Variants in NUAK1 observed in about 807,000 individuals in gnomAD.
NUAK1 encodes the protein NUAK family SNF1-like kinase 1.
NUAK1 carries 26 observed loss-of-function variants against 56.9 expected under a neutral mutation model. That is an observed-to-expected ratio of 0.46 (90% CI 0.33 to 0.63). NUAK1 has a LOEUF of 0.63. Ranked by LOEUF, NUAK1 falls within the 30% of genes least tolerant of loss-of-function variation. The pLI is 0.02. For missense variants in NUAK1, 727 were observed against 876.1 expected (o/e 0.83, Z 2.15); for synonymous variants, 337 against 336.0 (o/e 1.00, Z -0.03).
rs779212474 is a variant in NUAK1, at chr12:106,067,407, T to A, written c.1381A>T (p.Thr461Ser). Residue 461 changes from threonine to serine, a missense_variant, in exon 7 of 7, where the codon ACG becomes TCG. By Grantham distance (58) the Thr-to-Ser change is moderately conservative (BLOSUM62 1). Coordinates refer to ENST00000261402, the MANE Select transcript of NUAK1 (RefSeq NM_014840.3). The surrounding 1 kb of genome is among the most constrained non-coding windows in gnomAD (Gnocchi z 6.0). Reference sequence around the variant, plus strand: ...TTCAAGATGCCTTTCTTGGGCATCGTGGCCGACTGCTTGGGGCTGAGTTTT... The same window carrying A: ...TTCAAGATGCCTTTCTTGGGCATCGAGGCCGACTGCTTGGGGCTGAGTTTT... ...PGKLSPKQSA[T>S]MPKKGILKKT... The A allele has an allele frequency of 1.2e-4, 200 of 1,614,080 alleles. No individual in the cohort carries two copies. Among genetic ancestry groups the A allele is most frequent in the Non-Finnish European group, 1.7e-4 (195 of 1,180,046 alleles).
chr12:106,126,695 C>CCTT (rs2033028265), intron 1 of NUAK1, among the ~76,000 whole-genome samples: 1 of 152,152 alleles, frequency 6.6e-6, no homozygotes, highest in Admixed American at 6.5e-5. Context: ...CAAAAACAGC[C>CCTT]CTTCCCCTGG....
chr12:106,085,721 T>C (rs1056939829), intron 3 of NUAK1, among the ~76,000 whole-genome samples: 1 of 152,088 alleles, frequency 6.6e-6, no homozygotes, highest in Non-Finnish European at 1.5e-5. Context: ...TTATTATTAT[T>C]TTGGAGATGG....
intron 4 of NUAK1, among the ~76,000 whole-genome samples, chr12:106,083,419 T>C (rs1333112823): frequency 6.6e-6 from 1 of 152,232 alleles, no homozygotes; most frequent in African/African-American, 2.4e-5. Flanking sequence ...GGCAAATTAC[T>C]TAGTTTTTCT....
chr12:106,107,085 C>G (rs921769586), intron 1 of NUAK1, among the ~76,000 whole-genome samples: 1 of 152,188 alleles, frequency 6.6e-6, no homozygotes, highest in African/African-American at 2.4e-5. Flanking sequence ...CATCCTTCCT[C>G]TTGCCCAAGC....
intron 2 of NUAK1, among the ~76,000 whole-genome samples, chr12:106,096,137 T>C (rs950148091): frequency 1.3e-5 from 2 of 151,938 alleles, no homozygotes; most frequent in African/African-American, 2.4e-5. Flanking sequence ...AAAGACCCCA[T>C]AGTAAAGGGC....
intron 3 of NUAK1, 178 bp from the exon 4 acceptor site, chr12:106,084,107 C>T: frequency 1.7e-6 from 1 of 598,518 alleles, no homozygotes. Flanking sequence ...GCTCCCCCGC[C>T]AGCGACCAAC....
rs114922345 is a variant in NUAK1 at position 106,069,506 on chromosome 12, C to T, written c.832+1268G>A. On this transcript the variant is annotated intron_variant, in intron 6 of 6. Coordinates refer to ENST00000261402, the MANE Select transcript of NUAK1 (RefSeq NM_014840.3). ...TATGGAGAAGATAAGTGTCTTAGAT[C>T]AGTTTTGTTTAGGCATGAGTTACAG... 1.2e-3 allele frequency among the ~76,000 whole-genome samples: 187 copies of T among 152,224 alleles called. 1 individual carries two copies. Among genetic ancestry groups the T allele is most frequent in the African/African-American group, 4.2e-3 (176 of 41,536 alleles).
chr12:106,096,718 A>C (rs376609526), intron 2 of NUAK1, among the ~76,000 whole-genome samples: 504 of 152,336 alleles, frequency 3.3e-3, no homozygotes, highest in African/African-American at 0.012. Context: ...GGTATCATTC[A>C]CTGCTCACTG....
At position 106,067,448 on chromosome 12, in the gene NUAK1, T is replaced by C. The variant is rs1452278544; in HGVS notation, c.1340A>G (p.Glu447Gly). 4.3e-6 allele frequency: 7 copies of C among 1,614,094 alleles called. No individual in the cohort carries two copies. The highest frequency in any genetic ancestry group is 5.9e-6 in the Non-Finnish European group (7 of 1,180,056). ...RTGVLLPSSP[E>G]AEVPGKLSPK... is the part of the protein sequence containing the mutation. ...GCTGAGTTTTCCCGGCACCTCTGCC[T>C]CTGGTGAGCTTGGGAGGAGCACGCC... The change falls in exon 7 of 7, where the codon GAG (glutamate) becomes GGG (glycine). Residue 447 changes from glutamate (E) to glycine (G), a missense_variant. Glu to Gly is a moderately conservative substitution (Grantham distance 98, BLOSUM62 -2). Coordinates refer to ENST00000261402, the MANE Select transcript of NUAK1 (RefSeq NM_014840.3). The surrounding 1 kb of genome is among the most constrained non-coding windows in gnomAD (Gnocchi z 6.0).
At chr12:106,101,005 G>A (rs900708311) in intron 2 of NUAK1, among the ~76,000 whole-genome samples, 5 of 152,192 alleles carry the variant, frequency 3.3e-5, no homozygotes, top group Admixed American at 1.3e-4. Flanking sequence ...TTTCTGCACC[G>A]AGCTAAGGCT....
Position 106,076,273 on chromosome 12 carries a change from A to C in NUAK1, c.580-3430T>G, listed in dbSNP as rs182767814. On this transcript the variant is annotated intron_variant, in intron 4 of 6. Coordinates refer to ENST00000261402, the MANE Select transcript of NUAK1 (RefSeq NM_014840.3). Reference sequence around the variant, plus strand: ...TAAGAAGTTTTGCTAAAGGTTGCAAAGAACAGCAGCAAGTACATGAAGGAG... The same window carrying C: ...TAAGAAGTTTTGCTAAAGGTTGCAACGAACAGCAGCAAGTACATGAAGGAG... Among the ~76,000 whole-genome samples the C allele has an allele frequency of 1.5e-4, 23 of 152,350 alleles. No homozygotes were observed. The East Asian group carries it at 4.4e-3, about 29-fold the overall frequency.
intron 4 of NUAK1, 72 bp downstream of exon 4, chr12:106,083,792 G>C: frequency 7.5e-7 from 1 of 1,341,430 alleles, no homozygotes; most frequent in Non-Finnish European, 1.1e-6. Flanking sequence ...GCTGCGGCTT[G>C]GAGCAGGTTA....
chr12:106,104,550 CA>C (rs1379901816), intron 2 of NUAK1, among the ~76,000 whole-genome samples: 1 of 152,196 alleles, frequency 6.6e-6, no homozygotes, highest in African/African-American at 2.4e-5. Flanking sequence ...CAGAGAGTTT[CA>C]GATTCAGCAG....
chr12:106,088,533 T>C (rs2032598986), intron 2 of NUAK1, among the ~76,000 whole-genome samples: 1 of 152,172 alleles, frequency 6.6e-6, no homozygotes, highest in Non-Finnish European at 1.5e-5. Context: ...CTAAAAACTA[T>C]AGTGTTGGAA....
At chr12:106,077,912 T>C (rs2032480066) in intron 4 of NUAK1, among the ~76,000 whole-genome samples, 1 of 152,230 alleles carries the variant, frequency 6.6e-6, no homozygotes, top group Admixed American at 6.5e-5. Context: ...TGGAAGTGCT[T>C]ACACCATGCC....
chr12:106,099,575 AGTGT>A (rs2032728273), intron 2 of NUAK1, among the ~76,000 whole-genome samples: 2 of 152,098 alleles, frequency 1.3e-5, no homozygotes, highest in South Asian at 4.1e-4. Flanking sequence ...CCGAGTTCTG[AGTGT>A]TGCTGCCTGG....
chr12:106,138,493 C>T lies in NUAK1; in HGVS notation c.161G>A (p.Arg54His), dbSNP rs752539069. 3.7e-6 allele frequency: 6 copies of T among 1,613,458 alleles called. No homozygotes were observed. The African/African-American group carries it at 4.0e-5, about 11-fold the overall frequency. ...GCCCAGGGTCTCCTGCAGCTCGTAG[C>T]GGTGCTTCAAGTTGTGCTTGTGGTG... ...RHHHKHNLKH[R>H]YELQETLGKG... is the part of the protein sequence containing the mutation. The change falls in exon 1 of 7, where the codon CGC (arginine) becomes CAC (histidine). Residue 54 changes from arginine to histidine, a missense_variant. Arg to His is a conservative substitution (Grantham distance 29). Transcript: ENST00000261402. The surrounding 1 kb of genome is among the most constrained non-coding windows in gnomAD (Gnocchi z 5.0).
chr12:106,100,393 C>T (rs894023731), intron 2 of NUAK1, among the ~76,000 whole-genome samples: 2 of 152,092 alleles, frequency 1.3e-5, no homozygotes, highest in African/African-American at 4.8e-5. Context: ...TGAGCATTTG[C>T]GCATGCTGTT....
intron 2 of NUAK1, among the ~76,000 whole-genome samples, chr12:106,101,626 G>A (rs1483813998): frequency 6.6e-6 from 1 of 152,158 alleles, no homozygotes; most frequent in African/African-American, 2.4e-5. Flanking sequence ...CCAGAATTGT[G>A]AGAAAATATA....
Sources: allele counts gnomAD v4.1 joint callset (sites outside exome capture counted in the v4.1 genomes callset), GRCh38; gene constraint gnomAD v4.1.1; non-coding constraint Gnocchi (gnomAD v3.1); transcripts MANE v1.5; gene names NCBI Gene and HGNC (gene_info 2026-07-23, HGNC 2026-07-21).